RANBP9: variants seen among roughly 807,000 people sequenced by gnomAD.
RANBP9 encodes RAN binding protein 9.
A neutral mutation model predicts 84.3 loss-of-function variants in RANBP9; 15 were observed. That is an observed-to-expected ratio of 0.18 (90% CI 0.12 to 0.27). RANBP9 has a LOEUF of 0.27. RANBP9 is among the 10% of genes least tolerant of loss of function. The pLI is 1.00. For missense variants in RANBP9, 809 were observed against 912.8 expected, an observed-to-expected ratio of 0.89 and a Z score of 1.46; for synonymous variants, 392 against 349.6, an observed-to-expected ratio of 1.12 and a Z score of -1.35.
intron 1 of RANBP9, among the ~76,000 whole-genome samples, chr6:13,706,931 A>C (rs1275153277): frequency 6.7e-6 from 1 of 149,468 alleles, no homozygotes; most frequent in Non-Finnish European, 1.5e-5. Context: ...AACTGCATGA[A>C]CCCAGGAGAG....
chr6:13,684,344 T>C (rs1015953118), intron 2 of RANBP9, among the ~76,000 whole-genome samples: 2 of 152,138 alleles, frequency 1.3e-5, no homozygotes, highest in Admixed American at 6.5e-5. Context: ...AAAACAGCAA[T>C]ATATAAATCT....
At chr6:13,700,088 G>A (rs1295486603) in intron 1 of RANBP9, among the ~76,000 whole-genome samples, 1 of 152,152 alleles carries the variant, frequency 6.6e-6, no homozygotes, top group African/African-American at 2.4e-5. Context: ...TGTTTTCTAT[G>A]TGGCTTTAGA....
intron 2 of RANBP9, among the ~76,000 whole-genome samples, chr6:13,693,452 A>T (rs1766372868): frequency 6.6e-6 from 1 of 152,198 alleles, no homozygotes; most frequent in Non-Finnish European, 1.5e-5. Context: ...GCTGGTAGAA[A>T]TGCAAACCAG....
At chr6:13,682,403 AAAAAAAAAAAGACTGC>A (rs886748722) in intron 2 of RANBP9, among the ~76,000 whole-genome samples, 8 of 151,696 alleles carry the variant, frequency 5.3e-5, no homozygotes, top group African/African-American at 1.9e-4. Context: ...ATTAAAAAAA[AAAAAAAAAAAGACTGC>A]AAAAAAACAT....
At chr6:13,692,997 T>G (rs990094321) in intron 2 of RANBP9, among the ~76,000 whole-genome samples, 5 of 152,218 alleles carry the variant, frequency 3.3e-5, no homozygotes, top group African/African-American at 1.2e-4. Flanking sequence ...CCCTTACTCT[T>G]AAATCTGTAG....
At position 13,678,528 on chromosome 6, in the gene RANBP9, A is replaced by T. The variant is rs559838226; in HGVS notation, c.683+18257T>A. On this transcript the variant is annotated intron_variant, in intron 2 of 13. Coordinates refer to ENST00000011619, the MANE Select transcript of RANBP9 (RefSeq NM_005493.3). ...ATCCACCTCCTTATCTAACGCTCAC[A>T]TACGAAGCCAGTATTTCCTGCCCTA... is the stretch of plus-strand genomic sequence containing the variant. 4.6e-5 allele frequency among the ~76,000 whole-genome samples: 7 copies of T among 152,308 alleles called. No homozygotes were observed. The South Asian group carries it at 1.2e-3, about 27-fold the overall frequency.
chr6:13,652,779 A>G, intron 4 of RANBP9, 98 bp from the exon 5 acceptor site: 1 of 1,059,328 alleles, frequency 9.4e-7, no homozygotes, highest in Admixed American at 2.3e-5. Flanking sequence ...CAAATGGCAA[A>G]AGAAAAAAAC....
chr6:13,659,856 T>C (rs918352647), intron 2 of RANBP9, among the ~76,000 whole-genome samples: 2 of 152,196 alleles, frequency 1.3e-5, no homozygotes, highest in Non-Finnish European at 2.9e-5. Flanking sequence ...AAGAGATGCC[T>C]ATAATTGTTA....
intron 12 of RANBP9, among the ~76,000 whole-genome samples, chr6:13,631,317 T>G (rs1380172009): frequency 6.6e-6 from 1 of 152,288 alleles, no homozygotes; most frequent in Non-Finnish European, 1.5e-5. Flanking sequence ...TAACTTGAGG[T>G]GCTCTATAAC....
chr6:13,696,169 T>C (rs1766439107), intron 2 of RANBP9, among the ~76,000 whole-genome samples: 1 of 152,178 alleles, frequency 6.6e-6, no homozygotes. Context: ...TTAGGAACTT[T>C]TGGGGTAAGG....
intron 2 of RANBP9, among the ~76,000 whole-genome samples, chr6:13,666,930 T>A (rs1374045067): frequency 6.6e-6 from 1 of 152,142 alleles, no homozygotes; most frequent in African/African-American, 2.4e-5. Context: ...GGGAAATTTG[T>A]AATACCAGTT....
At chr6:13,710,690 G>A (rs540046449) in intron 1 of RANBP9, among the ~76,000 whole-genome samples, 36 of 152,304 alleles carry the variant, frequency 2.4e-4, no homozygotes, top group African/African-American at 7.5e-4. Context: ...CCTGGTCTAG[G>A]ATTACCAGCT....
At chr6:13,703,218 G>C (rs534897814) in intron 1 of RANBP9, among the ~76,000 whole-genome samples, 2 of 152,270 alleles carry the variant, frequency 1.3e-5, no homozygotes, top group Admixed American at 6.5e-5. Context: ...GATGTCTGGG[G>C]ACCTACCATT....
At chr6:13,643,799 A>T (rs1206203765) in intron 6 of RANBP9, among the ~76,000 whole-genome samples, 1 of 152,184 alleles carries the variant, frequency 6.6e-6, no homozygotes, top group Non-Finnish European at 1.5e-5. Flanking sequence ...GCTGGACAAA[A>T]AAACTAGTGT....
At chr6:13,644,843 C>T (rs1031861248) in intron 5 of RANBP9, 114 bp from the exon 6 acceptor site, 3 of 898,302 alleles carry the variant, frequency 3.3e-6, no homozygotes, top group Non-Finnish European at 4.7e-6. Flanking sequence ...ATTTTAAAAT[C>T]CCAATCAAAA....
chr6:13,680,120 C>T (rs1765995340), intron 2 of RANBP9, among the ~76,000 whole-genome samples: 1 of 151,938 alleles, frequency 6.6e-6, no homozygotes. Flanking sequence ...GCAGGTTTTC[C>T]AGTTTTTACC....
At chr6:13,640,729 A>C (rs1017000613) in intron 8 of RANBP9, among the ~76,000 whole-genome samples, 1 of 152,198 alleles carries the variant, frequency 6.6e-6, no homozygotes, top group Non-Finnish European at 1.5e-5. Flanking sequence ...GGTGGTTTCC[A>C]GGGGCTAGGG....
At chr6:13,664,889 C>T (rs1268364402) in intron 2 of RANBP9, among the ~76,000 whole-genome samples, 2 of 152,152 alleles carry the variant, frequency 1.3e-5, no homozygotes, top group African/African-American at 4.8e-5. Context: ...GTAATCTAAA[C>T]AGTATGGTAC....
intron 2 of RANBP9, among the ~76,000 whole-genome samples, chr6:13,676,994 T>C (rs1017380049): frequency 2.6e-5 from 4 of 151,918 alleles, no homozygotes; most frequent in Non-Finnish European, 4.4e-5. Flanking sequence ...TTCAACATCA[T>C]AGGGGAAGTC....
Sources: gnomAD v4.1 joint callset for allele counts (sites outside exome capture counted in the v4.1 genomes callset) on GRCh38, gnomAD v4.1.1 for gene constraint, MANE v1.5 for transcripts, NCBI Gene and HGNC (gene_info 2026-07-23, HGNC 2026-07-21) for gene names.